LIMA1: variants seen among roughly 807,000 people sequenced by gnomAD.
The protein encoded by LIMA1 is LIM domain and actin-binding protein 1.
In LIMA1, 52 loss-of-function variants were observed where a neutral mutation model predicts 62.6. The ratio of observed to expected loss-of-function variants is 0.83; its 90% CI spans 0.67 to 1.05. The LOEUF (loss-of-function observed/expected upper bound fraction) is 1.05. Ranked by LOEUF, LIMA1 falls within the 50% of genes least tolerant of loss-of-function variation. The probability of loss-of-function intolerance (pLI) is 0.00; values close to 1 mark genes in which losing one functional copy is unlikely to be tolerated. For synonymous variants in LIMA1, 302 were observed against 317.8 expected (o/e 0.95, Z 0.53); for missense variants, 780 against 902.2 (o/e 0.86, Z 1.74).
At chr12:50,201,178 C>G in intron 6 of LIMA1, 1 of 1,098,944 alleles carries the variant, frequency 9.1e-7, no homozygotes. Flanking sequence ...ATACAACATT[C>G]TTGTGATTCA....
At chr12:50,281,822 C>T (rs1942343293) in intron 1 of LIMA1, among the ~76,000 whole-genome samples, 1 of 152,094 alleles carries the variant, frequency 6.6e-6, no homozygotes, top group African/African-American at 2.4e-5. Context: ...AATTAAAAAA[C>T]AAAACAAAAC....
rs527439166 is a variant in LIMA1, at chr12:50,204,446, C to T, written c.864+106G>A. 2.0e-3 allele frequency: 2,599 copies of T among 1,270,080 alleles called. 16 individuals are homozygous for T. The highest frequency in any genetic ancestry group is 1.0e-2 in the South Asian group (611 of 61,228). The allele number at this position is 1,270,080 out of a possible 1,614,324, so 78.7% of individuals were successfully genotyped here. On this transcript the variant is annotated intron_variant, in intron 6 of 10. Transcript: ENST00000341247. Reference sequence around the variant, plus strand: ...TGTGAAAAGAGAACAGCTAGGGGACCAGGGCTCAGATACAAGGGTCTGGTG... The same window carrying T: ...TGTGAAAAGAGAACAGCTAGGGGACTAGGGCTCAGATACAAGGGTCTGGTG...
chr12:50,282,007 A>G (rs1374527258), intron 1 of LIMA1, among the ~76,000 whole-genome samples: 1 of 152,200 alleles, frequency 6.6e-6, no homozygotes, highest in Non-Finnish European at 1.5e-5. Context: ...AAGGCACTCA[A>G]TATTTTGTCC....
intron 7 of LIMA1, among the ~76,000 whole-genome samples, chr12:50,199,100 C>A (rs141304850): frequency 6.6e-6 from 1 of 152,096 alleles, no homozygotes; most frequent in South Asian, 2.1e-4. Context: ...GAGGCCAAGG[C>A]GGGTGGATCA....
chr12:50,255,057 C>A (rs1014214383), intron 1 of LIMA1, among the ~76,000 whole-genome samples: 6 of 132,636 alleles, frequency 4.5e-5, no homozygotes, highest in African/African-American at 1.8e-4. Context: ...CAAAAAAAAA[C>A]CACCAAACCA....
Position 50,248,714 on chromosome 12 carries a change from G to A in LIMA1, c.38C>T (p.Ser13Leu). 1 of 1,612,782 alleles carries A rather than the reference G, an allele frequency of 6.2e-7. No individual in the cohort carries two copies. Among genetic ancestry groups the A allele is most frequent in the Non-Finnish European group, 8.5e-7 (1 of 1,178,776 alleles). The change falls in exon 2 of 11, where the codon TCA (serine) becomes TTA (leucine). Residue 13 changes from serine (S) to leucine (L), a missense_variant. By Grantham distance (145) the Ser-to-Leu change is moderately radical (BLOSUM62 -2). Transcript: ENST00000341247. ...SSPFNRRQWTSLSLRVTAKEL... is the reference protein window; with the variant it reads ...SSPFNRRQWTLLSLRVTAKEL... ...TTTGGCTGTTACCCTCAATGATAGT[G>A]AGGTCCATTGCCGTCTATTAAATGG...
chr12:50,266,734 T>C (rs560143187), intron 1 of LIMA1, among the ~76,000 whole-genome samples: 17 of 152,364 alleles, frequency 1.1e-4, no homozygotes, highest in Middle Eastern at 3.4e-3. Flanking sequence ...TCCATTTATA[T>C]TTGAATCTTT....
chr12:50,185,505 G>T (rs1940610741), intron 9 of LIMA1: 1 of 455,950 alleles, frequency 2.2e-6, no homozygotes. Flanking sequence ...GTGCCCTGGA[G>T]AGCTTTACTG....
At chr12:50,181,288 G>A (rs1462613156) in intron 10 of LIMA1, among the ~76,000 whole-genome samples, 1 of 152,114 alleles carries the variant, frequency 6.6e-6, no homozygotes, top group Non-Finnish European at 1.5e-5. Context: ...CATCTTTCAA[G>A]AGTATTTTAG....
intron 10 of LIMA1, among the ~76,000 whole-genome samples, chr12:50,180,885 G>T (rs1940484374): frequency 6.6e-6 from 1 of 151,960 alleles, no homozygotes; most frequent in African/African-American, 2.4e-5. Context: ...GGCCGAGGCG[G>T]GTGGATCACG....
At chr12:50,262,416 A>G (rs1942082833) in intron 1 of LIMA1, among the ~76,000 whole-genome samples, 1 of 152,070 alleles carries the variant, frequency 6.6e-6, no homozygotes, top group South Asian at 2.1e-4. Flanking sequence ...CATTTTAATA[A>G]GAAGAACGTT....
intron 6 of LIMA1, 43 bp from the exon 7 acceptor site, chr12:50,200,927 T>A (rs1267240124): frequency 6.2e-7 from 1 of 1,604,398 alleles, no homozygotes; most frequent in African/African-American, 1.3e-5. Flanking sequence ...TAAAGTCCCA[T>A]CATTCTGTTC....
At chr12:50,214,768 T>C (rs905770119) in intron 4 of LIMA1, among the ~76,000 whole-genome samples, 1 of 152,236 alleles carries the variant, frequency 6.6e-6, no homozygotes, top group African/African-American at 2.4e-5. Context: ...ATTGTGCCAC[T>C]GCACTCCAGC....
intron 4 of LIMA1, among the ~76,000 whole-genome samples, chr12:50,214,448 C>G (rs1320242478): frequency 6.6e-6 from 1 of 152,200 alleles, no homozygotes; most frequent in East Asian, 1.9e-4. Flanking sequence ...GTATAGACTC[C>G]ACATTGATGT....
rs532973780 is a variant in LIMA1 at position 50,198,214 on chromosome 12, C to A, written c.973-2327G>T. On this transcript the variant is annotated intron_variant, in intron 7 of 10. Transcript: ENST00000341247. ...TCATGAGTTCCTGTTAGTATTCTGA[C>A]AATATACCATCCTACTTTGTAAAGT... Among the ~76,000 whole-genome samples, 3 of 152,082 alleles carry A rather than the reference C, an allele frequency of 2.0e-5. No individual in the cohort carries two copies. In the South Asian group the frequency reaches 6.2e-4, roughly 32 times the overall value.
chr12:50,215,105 A>G (rs1941320409), intron 4 of LIMA1, among the ~76,000 whole-genome samples: 1 of 152,220 alleles, frequency 6.6e-6, no homozygotes, highest in Non-Finnish European at 1.5e-5. Flanking sequence ...AACAGAGATC[A>G]TCACACTTTA....
intron 7 of LIMA1, among the ~76,000 whole-genome samples, chr12:50,198,533 G>A (rs1394614600): frequency 6.6e-6 from 1 of 152,178 alleles, no homozygotes; most frequent in Non-Finnish European, 1.5e-5. Context: ...CAGCCTGGGT[G>A]ACAGAGCAAG....
chr12:50,278,112 C>T (rs1942296010), intron 1 of LIMA1, among the ~76,000 whole-genome samples: 1 of 151,070 alleles, frequency 6.6e-6, no homozygotes, highest in South Asian at 2.1e-4. Flanking sequence ...CCTGTCTCTA[C>T]TAAAAAACAC....
chr12:50,193,506 TGTATATATGATATATATACAC>T (rs2138431723), intron 8 of LIMA1, among the ~76,000 whole-genome samples: 2 of 141,068 alleles, frequency 1.4e-5, no homozygotes, highest in African/African-American at 5.2e-5. Flanking sequence ...ATCATATATG[TGTATATATGATATATATACAC>T]ATATATGATA....
Sources: gnomAD v4.1 joint callset for allele counts (sites outside exome capture counted in the v4.1 genomes callset) on GRCh38, gnomAD v4.1.1 for gene constraint, MANE v1.5 for transcripts, NCBI Gene and HGNC (gene_info 2026-07-23, HGNC 2026-07-21) for gene names.